The following ARHGAP32 variants were observed in gnomAD, a reference collection of about 807,000 sequenced individuals.
The protein encoded by ARHGAP32 is rho GTPase-activating protein 32.
A neutral mutation model predicts 186.5 loss-of-function variants in ARHGAP32; 51 were observed. The ratio of observed to expected loss-of-function variants is 0.27; its 90% CI spans 0.22 to 0.35. The LOEUF is 0.35. Ranked by LOEUF, ARHGAP32 falls within the 10% of genes least tolerant of loss-of-function variation. The pLI is 1.00. For synonymous variants in ARHGAP32, 950 were observed against 964.3 expected (o/e 0.99, Z 0.27); for missense variants, 2,186 against 2,623.5 (o/e 0.83, Z 3.64).
chr11:129,049,014 C>T (rs934981251), intron 10 of ARHGAP32, among the ~76,000 whole-genome samples: 9 of 151,594 alleles, frequency 5.9e-5, no homozygotes, highest in African/African-American at 1.7e-4. Context: ...AGAATAAAGT[C>T]GGAGATCCTG....
In ARHGAP32 at chr11:129,020,572, A is replaced by G. The variant is rs2134888640; in HGVS notation, c.1045+20356T>C. On this transcript the variant is annotated intron_variant, in intron 11 of 22. Transcript: ENST00000682385. ...CATACTTTATAAAAATTATTTTTTG[A>G]CATAGGTTTCAAGAGTTTACTGCAG... 2.0e-5 allele frequency among the ~76,000 whole-genome samples: 3 copies of G among 152,210 alleles called. No homozygotes were observed. In the South Asian group the frequency reaches 6.2e-4, roughly 32 times the overall value.
At chr11:129,222,304 T>C (rs966641058) in intron 1 of ARHGAP32, among the ~76,000 whole-genome samples, 2 of 152,124 alleles carry the variant, frequency 1.3e-5, no homozygotes, top group African/African-American at 4.8e-5. Flanking sequence ...CTTAGTGTTT[T>C]TTCTTCAGTG....
At chr11:129,225,645 T>C (rs1944771483) in intron 1 of ARHGAP32, among the ~76,000 whole-genome samples, 1 of 152,100 alleles carries the variant, frequency 6.6e-6, no homozygotes. Context: ...CCAAATATGA[T>C]TTTCAAAGTT....
At chr11:129,010,476 G>C (rs1401774273) in intron 11 of ARHGAP32, among the ~76,000 whole-genome samples, 1 of 152,134 alleles carries the variant, frequency 6.6e-6, no homozygotes, top group Non-Finnish European at 1.5e-5. Context: ...TGTATAAGGT[G>C]TAAGGAAGGG....
intron 1 of ARHGAP32, among the ~76,000 whole-genome samples, chr11:129,256,110 T>A (rs1227684857): frequency 6.6e-6 from 1 of 152,026 alleles, no homozygotes; most frequent in African/African-American, 2.4e-5. Flanking sequence ...AATTCCAGCA[T>A]ATAAAATAAG....
rs1258972046 is a variant in ARHGAP32 at position 128,970,921 on chromosome 11, C to T, written c.4292G>A (p.Arg1431Lys). ...CGFPAPLPPTRMMESKMIAAI... is the reference protein window; with the variant it reads ...CGFPAPLPPTKMMESKMIAAI... ...AGCAATCATCTTACTCTCCATCATCCTGGTGGGGGGCAGTGGTGCAGGAAA... is the reference window on the plus strand; with the variant it reads ...AGCAATCATCTTACTCTCCATCATCTTGGTGGGGGGCAGTGGTGCAGGAAA... The change falls in exon 23 of 23, where the codon AGG becomes AAG. Residue 1431 changes from arginine to lysine, a missense_variant. Coordinates refer to ENST00000682385, the MANE Select transcript of ARHGAP32 (RefSeq NM_001378024.1). The surrounding 1 kb of genome is among the most constrained non-coding windows in gnomAD (Gnocchi z 5.8). The T allele has an allele frequency of 6.2e-7, 1 of 1,614,092 alleles. No individual in the cohort carries two copies. Among genetic ancestry groups the T allele is most frequent in the East Asian group, 2.2e-5 (1 of 44,872 alleles).
intron 13 of ARHGAP32, among the ~76,000 whole-genome samples, chr11:128,987,711 T>C (rs1051338346): frequency 6.6e-6 from 1 of 152,154 alleles, no homozygotes; most frequent in East Asian, 1.9e-4. Context: ...ACCTAAAGAA[T>C]AATTTTATTA....
intron 1 of ARHGAP32, among the ~76,000 whole-genome samples, chr11:129,191,399 G>T (rs532902398): frequency 3.0e-4 from 46 of 152,080 alleles, no homozygotes; most frequent in Middle Eastern, 3.4e-3. Context: ...CATTGGTTCT[G>T]TTTTCACAAA....
chr11:129,262,825 T>C (rs1458791682), intron 1 of ARHGAP32, among the ~76,000 whole-genome samples: 1 of 152,216 alleles, frequency 6.6e-6, no homozygotes, highest in Non-Finnish European at 1.5e-5. Context: ...CACTTTATTT[T>C]ACTGTACCAA....
intron 12 of ARHGAP32, 82 bp downstream of exon 12, chr11:128,998,237 A>C (rs1191453719): frequency 8.3e-7 from 1 of 1,197,690 alleles, no homozygotes; most frequent in African/African-American, 1.5e-5. Context: ...CATTTGACTA[A>C]ATCTACTCCA....
At chr11:129,199,143 G>A (rs1944428514) in intron 1 of ARHGAP32, among the ~76,000 whole-genome samples, 2 of 152,196 alleles carry the variant, frequency 1.3e-5, no homozygotes. Context: ...CTGGGTTGCT[G>A]TTAAAAAGCA....
chr11:129,075,996 C>T (rs905857001), intron 6 of ARHGAP32, among the ~76,000 whole-genome samples: 4 of 152,080 alleles, frequency 2.6e-5, no homozygotes, highest in Admixed American at 1.3e-4. Context: ...GTAAAGAAGC[C>T]GGCCAAAACC....
chr11:129,058,153 G>A (rs141928060), intron 10 of ARHGAP32, among the ~76,000 whole-genome samples: 81 of 150,738 alleles, frequency 5.4e-4, no homozygotes, highest in Non-Finnish European at 9.1e-4. Flanking sequence ...GTATCAGTGG[G>A]TCATCTGTTA....
At chr11:129,004,449 A>G (rs549462054) in intron 11 of ARHGAP32, among the ~76,000 whole-genome samples, 47 of 151,992 alleles carry the variant, frequency 3.1e-4, no homozygotes, top group South Asian at 1.9e-3. Context: ...GATCTGTACA[A>G]TGCTGAAAGT....
At chr11:129,177,472 G>C (rs1267476348) in intron 1 of ARHGAP32, among the ~76,000 whole-genome samples, 1 of 152,132 alleles carries the variant, frequency 6.6e-6, no homozygotes, top group Admixed American at 6.5e-5. Context: ...AAGCCGGGCA[G>C]AGACACAACC....
At chr11:129,076,219 C>T (rs1446719427) in intron 6 of ARHGAP32, among the ~76,000 whole-genome samples, 1 of 152,142 alleles carries the variant, frequency 6.6e-6, no homozygotes, top group Non-Finnish European at 1.5e-5. Flanking sequence ...CCCTAGAAAA[C>T]CCATGAATAA....
rs367680684 is a variant in ARHGAP32 at position 129,192,151 on chromosome 11, G to A, written c.48C>T (p.Phe16=). The change falls in exon 1 of 23, where the codon TTC becomes TTT. Residue 16 remains phenylalanine, a synonymous_variant. Transcript: ENST00000682385. ...ESSTLGDDSV[F]WLESEVIIQV... ...GGATTATAACTTCAGACTCCAACCA[G>A]AAGACACTGTCATCCCCTAAAGTGC... is the stretch of plus-strand genomic sequence containing the variant. 7.2e-5 allele frequency: 116 copies of A among 1,613,784 alleles called. No homozygotes were observed. The highest frequency in any genetic ancestry group is 4.3e-4 in the Admixed American group (26 of 59,998).
intron 11 of ARHGAP32, among the ~76,000 whole-genome samples, chr11:129,005,815 T>C (rs1937735925): frequency 1.3e-5 from 2 of 152,190 alleles, no homozygotes; most frequent in South Asian, 4.1e-4. Context: ...TCTGTTACTA[T>C]CTCTTTGAAT....
intron 5 of ARHGAP32, among the ~76,000 whole-genome samples, chr11:129,119,749 G>C (rs1348466501): frequency 1.3e-5 from 2 of 152,064 alleles, no homozygotes; most frequent in Non-Finnish European, 2.9e-5. Flanking sequence ...ACTGGAGCCA[G>C]TACTTTTAAA....
Sources: gnomAD v4.1 joint callset for allele counts (sites outside exome capture counted in the v4.1 genomes callset) on GRCh38, gnomAD v4.1.1 for gene constraint, Gnocchi (gnomAD v3.1) non-coding constraint, MANE v1.5 for transcripts, NCBI Gene and HGNC (gene_info 2026-07-23, HGNC 2026-07-21) for gene names.